PTGIS: variants seen among roughly 807,000 people sequenced by gnomAD.
The protein encoded by PTGIS is prostacyclin synthase.
PTGIS carries 45 observed loss-of-function variants against 50.3 expected under a neutral mutation model. The ratio of observed to expected loss-of-function variants is 0.90; its 90% CI spans 0.70 to 1.15. The LOEUF is 1.15. Ranked by LOEUF, PTGIS falls within the 50% of genes most tolerant of loss-of-function variation. The pLI is 0.00. For missense variants in PTGIS, 668 were observed against 661.3 expected, an observed-to-expected ratio of 1.01 and a Z score of -0.11; for synonymous variants, 260 against 267.7, an observed-to-expected ratio of 0.97 and a Z score of 0.28.
At position 49,517,550 on chromosome 20, in the gene PTGIS, C is replaced by T. The variant is rs1264861130; in HGVS notation, c.856-3155G>A. Among the ~76,000 whole-genome samples the T allele has an allele frequency of 3.9e-5, 6 of 152,138 alleles. No homozygotes were observed. In the South Asian group the frequency reaches 6.2e-4, roughly 16 times the overall value. On this transcript the variant is annotated intron_variant, in intron 6 of 9. Transcript: ENST00000244043. ...GCTTTCACCCACGGAGCCTTGCCTC[C>T]GTTTACTCAGGAAGACACTTCTTGT... is the stretch of plus-strand genomic sequence containing the variant.
intron 1 of PTGIS, among the ~76,000 whole-genome samples, chr20:49,553,215 A>AT (rs1982553744): frequency 6.6e-6 from 1 of 152,154 alleles, no homozygotes; most frequent in Non-Finnish European, 1.5e-5. Context: ...ATTTGGCATG[A>AT]GGATTATGAA....
At position 49,561,369 on chromosome 20, in the gene PTGIS, C is replaced by T. The variant is rs76677489; in HGVS notation, c.74+6674G>A. ...ATTCCCTCCTCTCCCCAGCCCATCC[C>T]GGCTTCTCTAGTCAAAGAGGAGACT... On this transcript the variant is annotated intron_variant, in intron 1 of 9. Coordinates refer to ENST00000244043, the MANE Select transcript of PTGIS (RefSeq NM_000961.4). Among the ~76,000 whole-genome samples, 23 of 152,296 alleles carry T rather than the reference C, an allele frequency of 1.5e-4. No individual in the cohort carries two copies. The East Asian group carries it at 3.1e-3, about 20-fold the overall frequency.
Position 49,568,117 on chromosome 20 carries a change from C to CGCGGGGCTGACGGGGCTG in PTGIS, c.-2_-1insCAGCCCCGTCAGCCCCGC. On this transcript the variant is annotated 5_prime_UTR_variant, in exon 1 of 10. Coordinates refer to ENST00000244043, the MANE Select transcript of PTGIS (RefSeq NM_000961.4). Reference sequence around the variant, plus strand: ...GGCCGAGGAGCGCGGCCCAAGCCATCGCGGGGCTGGCGGGGCTGGCGGGGC... The same window carrying CGCGGGGCTGACGGGGCTG: ...GGCCGAGGAGCGCGGCCCAAGCCATCGCGGGGCTGACGGGGCTGGCGGGGCTGGCGGGGCTGGCGGGGC... The CGCGGGGCTGACGGGGCTG allele has an allele frequency of 2.5e-6, 2 of 784,884 alleles. No individual in the cohort carries two copies. Among genetic ancestry groups the CGCGGGGCTGACGGGGCTG allele is most frequent in the South Asian group, 2.2e-5 (1 of 44,528 alleles). 48.6% of individuals were successfully genotyped at this position (784,884 alleles called of 1,614,324 possible). A position where few individuals can be genotyped will look rare whatever the true frequency, so the allele number is the denominator to read the frequency against.
At chr20:49,566,133 G>A (rs1445687596) in intron 1 of PTGIS, among the ~76,000 whole-genome samples, 2 of 152,156 alleles carry the variant, frequency 1.3e-5, no homozygotes, top group African/African-American at 4.8e-5. Context: ...GGGAGGCTGA[G>A]GCAGGAGAAT....
intron 5 of PTGIS, among the ~76,000 whole-genome samples, chr20:49,534,106 C>A (rs936810561): frequency 6.6e-6 from 1 of 151,968 alleles, no homozygotes; most frequent in Non-Finnish European, 1.5e-5. Context: ...GCATAGATGG[C>A]CTTTAGATGA....
chr20:49,508,115 T>C, intron 9 of PTGIS, 51 bp from the exon 10 acceptor site: 12 of 1,605,438 alleles, frequency 7.5e-6, no homozygotes, highest in Non-Finnish European at 1.0e-5. Flanking sequence ...GGGCAGGGGG[T>C]TATCGGGAAC....
Position 49,514,330 on chromosome 20 carries a change from A to T in PTGIS, c.921T>A (p.Ala307=). 6.2e-7 allele frequency: 1 copy of T among 1,614,160 alleles called. No homozygotes were observed. Among genetic ancestry groups the T allele is most frequent in the Non-Finnish European group, 8.5e-7 (1 of 1,180,032 alleles). The change falls in exon 7 of 10, where the codon GCT becomes GCA. Residue 307 remains alanine (A), a synonymous_variant. Coordinates refer to ENST00000244043, the MANE Select transcript of PTGIS (RefSeq NM_000961.4). ...TACTCTCGAGCTCTCCGCGGACAGC[A>T]GCCAGGGCTTCAGGATTCTTGAGAA... The part of the protein sequence containing the change: ...LFLLKNPEAL[A]AVRGELESIL...
intron 8 of PTGIS, among the ~76,000 whole-genome samples, chr20:49,511,664 A>T (rs1981323934): frequency 6.6e-6 from 1 of 152,238 alleles, no homozygotes. Context: ...AATATTTTTT[A>T]AAAAGAAAAT....
At chr20:49,550,314 T>G (rs1283782667) in intron 1 of PTGIS, 125 bp from the exon 2 acceptor site, 1 of 1,259,638 alleles carries the variant, frequency 7.9e-7, no homozygotes, top group East Asian at 2.3e-5. Context: ...ACTCGGGGAC[T>G]ATTGCCTCAC....
chr20:49,527,482 C>T (rs922921592), intron 5 of PTGIS, among the ~76,000 whole-genome samples: 5 of 151,986 alleles, frequency 3.3e-5, no homozygotes, highest in East Asian at 1.9e-4. Context: ...AATCCTAGAA[C>T]AGGAAATTCA....
chr20:49,527,075 G>C (rs1420003824), intron 5 of PTGIS, among the ~76,000 whole-genome samples: 11 of 152,132 alleles, frequency 7.2e-5, no homozygotes. Flanking sequence ...CAACCCAAAT[G>C]TCGGTTGATA....
chr20:49,553,690 A>G (rs1982562945), intron 1 of PTGIS, among the ~76,000 whole-genome samples: 2 of 151,900 alleles, frequency 1.3e-5, no homozygotes, highest in South Asian at 4.2e-4. Flanking sequence ...AAGGTTGTTT[A>G]TTAAACAACG....
intron 6 of PTGIS, among the ~76,000 whole-genome samples, chr20:49,517,194 T>A (rs996522355): frequency 1.3e-5 from 2 of 152,238 alleles, no homozygotes; most frequent in African/African-American, 4.8e-5. Context: ...CAGGTCCAGC[T>A]GACACAGCAA....
intron 1 of PTGIS, among the ~76,000 whole-genome samples, chr20:49,567,608 C>A (rs1982932260): frequency 6.6e-6 from 1 of 152,220 alleles, no homozygotes; most frequent in Admixed American, 6.5e-5. Context: ...CAGGGTTTGA[C>A]AGCGCGTAGG....
At chr20:49,547,407 G>A (rs1982385500) in intron 3 of PTGIS, among the ~76,000 whole-genome samples, 1 of 152,170 alleles carries the variant, frequency 6.6e-6, no homozygotes, top group Admixed American at 6.5e-5. Context: ...GATAATGCAT[G>A]CTGCCTGGCA....
chr20:49,513,638 A>C (rs1201314176), intron 7 of PTGIS, among the ~76,000 whole-genome samples: 1 of 152,124 alleles, frequency 6.6e-6, no homozygotes, highest in Non-Finnish European at 1.5e-5. Context: ...TCTCATTCTC[A>C]GGGGTTAGAC....
intron 6 of PTGIS, among the ~76,000 whole-genome samples, chr20:49,522,640 T>A (rs111344796): frequency 2.0e-5 from 3 of 152,142 alleles, no homozygotes; most frequent in African/African-American, 7.2e-5. Context: ...TCAATGGAAC[T>A]TCTAAACAAT....
At chr20:49,532,830 A>C (rs1373865979) in intron 5 of PTGIS, among the ~76,000 whole-genome samples, 2 of 151,976 alleles carry the variant, frequency 1.3e-5, no homozygotes, top group African/African-American at 4.8e-5. Flanking sequence ...GTGTAAAATG[A>C]GGGCCATCTA....
chr20:49,550,045 C>T (rs568275536), intron 2 of PTGIS, 21 bp downstream of exon 2: 21 of 1,614,024 alleles, frequency 1.3e-5, no homozygotes, highest in East Asian at 8.9e-5. Flanking sequence ...CCATCCCTCC[C>T]GAGGCACAAG....
Sources: gnomAD v4.1 joint callset for allele counts (sites outside exome capture counted in the v4.1 genomes callset) on GRCh38, gnomAD v4.1.1 for gene constraint, MANE v1.5 for transcripts, NCBI Gene and HGNC (gene_info 2026-07-23, HGNC 2026-07-21) for gene names.